The following RBFOX1 variants were observed in gnomAD, a reference collection of about 807,000 sequenced individuals.
RBFOX1 encodes RNA binding fox-1 homolog 1.
RBFOX1 carries 8 observed loss-of-function variants against 57.7 expected under a neutral mutation model. The observed-to-expected ratio is 0.14, with a 90% CI of 0.08 to 0.25. The LOEUF (loss-of-function observed/expected upper bound fraction) is 0.25, where lower values mean the gene tolerates loss of function less well. RBFOX1 is among the 10% of genes least tolerant of loss of function. The probability of loss-of-function intolerance (pLI) is 1.00; values close to 1 mark genes in which losing one functional copy is unlikely to be tolerated. For missense variants in RBFOX1, 611 were observed against 548.5 expected (o/e 1.11, Z -1.14); for synonymous variants, 326 against 222.4 (o/e 1.47, Z -4.15).
intron 4 of RBFOX1, among the ~76,000 whole-genome samples, chr16:7,222,354 T>C: frequency 6.6e-6 from 1 of 152,262 alleles, no homozygotes; most frequent in East Asian, 1.9e-4. Context: ...GTAGTTTATA[T>C]GTCAGTTCCA....
intron 3 of RBFOX1, among the ~76,000 whole-genome samples, chr16:6,768,730 T>A (rs916277160): frequency 6.7e-6 from 1 of 149,350 alleles, no homozygotes; most frequent in Non-Finnish European, 1.5e-5. Context: ...ATTATGATGA[T>A]ATTATTTTTC....
chr16:5,893,731 A>C (rs1158587531), intron 4 of RBFOX1, among the ~76,000 whole-genome samples: 1 of 151,964 alleles, frequency 6.6e-6, no homozygotes, highest in Non-Finnish European at 1.5e-5. Context: ...GCTTGAACCC[A>C]GGAAGCAGAG....
intron 2 of RBFOX1, among the ~76,000 whole-genome samples, chr16:6,449,717 T>C (rs2094552739): frequency 6.6e-6 from 1 of 152,164 alleles, no homozygotes; most frequent in South Asian, 2.1e-4. Flanking sequence ...AGTGTTTTTA[T>C]TTTCTTTGAA....
At chr16:6,621,424 A>T (rs1392631279) in intron 2 of RBFOX1, among the ~76,000 whole-genome samples, 2 of 152,214 alleles carry the variant, frequency 1.3e-5, no homozygotes, top group African/African-American at 4.8e-5. Context: ...AGATTGCGCC[A>T]CTGCGCTCCA....
intron 3 of RBFOX1, among the ~76,000 whole-genome samples, chr16:6,776,925 C>G (rs959714326): frequency 6.6e-6 from 1 of 152,112 alleles, no homozygotes; most frequent in African/African-American, 2.4e-5. Context: ...GAAATGTACA[C>G]CTGGCTTTGT....
chr16:6,672,275 C>T (rs76859726), intron 3 of RBFOX1, among the ~76,000 whole-genome samples: 6 of 151,900 alleles, frequency 3.9e-5, no homozygotes, highest in Non-Finnish European at 8.8e-5. Context: ...GAGAAATATA[C>T]ATCCAATATA....
intron 4 of RBFOX1, among the ~76,000 whole-genome samples, chr16:5,900,338 G>A (rs1188903331): frequency 1.3e-5 from 2 of 152,208 alleles, no homozygotes; most frequent in Admixed American, 6.5e-5. Context: ...AATAAAAATA[G>A]TGGAGGAGAG....
At chr16:6,394,479 A>AC (rs1387086499) in intron 2 of RBFOX1, among the ~76,000 whole-genome samples, 1 of 149,256 alleles carries the variant, frequency 6.7e-6, no homozygotes, top group East Asian at 2.0e-4. Context: ...CCTTAAATTT[A>AC]CCCCCCAGAA....
At chr16:7,104,951 G>A (rs1403517064) in intron 4 of RBFOX1, among the ~76,000 whole-genome samples, 1 of 149,146 alleles carries the variant, frequency 6.7e-6, no homozygotes, top group Non-Finnish European at 1.5e-5. Flanking sequence ...GTGTGTGTGT[G>A]CACGTGCTTC....
At chr16:6,111,862 A>C (rs566980655) in intron 1 of RBFOX1, among the ~76,000 whole-genome samples, 5 of 152,346 alleles carry the variant, frequency 3.3e-5, no homozygotes, top group African/African-American at 9.6e-5. Flanking sequence ...AAGTGATTTG[A>C]CAAAAAGGGG....
chr16:5,792,715 T>C (rs990353458), intron 3 of RBFOX1, among the ~76,000 whole-genome samples: 1 of 152,114 alleles, frequency 6.6e-6, no homozygotes, highest in Non-Finnish European at 1.5e-5. Context: ...TGGTGGCATG[T>C]GCCTGTCATC....
rs530025903 is a variant in RBFOX1, at chr16:5,377,220, C to G, written c.220-89996C>G. 5.3e-5 allele frequency among the ~76,000 whole-genome samples: 8 copies of G among 151,582 alleles called. No individual in the cohort carries two copies. The East Asian group carries it at 1.4e-3, about 26-fold the overall frequency. Reference sequence around the variant, plus strand: ...AGTCAGACATGACATCTGCCTCCCCCACGCACAGCAAGTATGTTCAGGAAT... The same window carrying G: ...AGTCAGACATGACATCTGCCTCCCCGACGCACAGCAAGTATGTTCAGGAAT... On this transcript the variant is annotated intron_variant, in intron 1 of 2. Transcript: ENST00000585867.
chr16:5,921,768 T>A (rs1288927164), intron 4 of RBFOX1, among the ~76,000 whole-genome samples: 1 of 151,894 alleles, frequency 6.6e-6, no homozygotes, highest in Non-Finnish European at 1.5e-5. Context: ...CTTCCAATTA[T>A]GGTGGAAGAT....
At chr16:6,806,000 A>C (rs1311999904) in intron 3 of RBFOX1, among the ~76,000 whole-genome samples, 1 of 152,198 alleles carries the variant, frequency 6.6e-6, no homozygotes, top group Non-Finnish European at 1.5e-5. Flanking sequence ...GAGAAGGGGA[A>C]AAACTGTGGG....
intron 1 of RBFOX1, among the ~76,000 whole-genome samples, chr16:6,281,783 C>G (rs898172164): frequency 6.6e-6 from 1 of 152,060 alleles, no homozygotes; most frequent in African/African-American, 2.4e-5. Context: ...TCACAGACTC[C>G]TCTTAGAAAG....
intron 4 of RBFOX1, among the ~76,000 whole-genome samples, chr16:7,226,256 G>T (rs1356202616): frequency 6.6e-6 from 1 of 152,196 alleles, no homozygotes; most frequent in Non-Finnish European, 1.5e-5. Context: ...AGGCAGGTTG[G>T]CTTCAAGGAT....
At chr16:5,899,821 C>T (rs562180937) in intron 4 of RBFOX1, among the ~76,000 whole-genome samples, 14 of 152,302 alleles carry the variant, frequency 9.2e-5, no homozygotes, top group African/African-American at 2.4e-4. Context: ...CACCTGCAAT[C>T]GCAGCACTTT....
chr16:5,731,758 G>A (rs187982391), intron 3 of RBFOX1, among the ~76,000 whole-genome samples: 2 of 152,306 alleles, frequency 1.3e-5, no homozygotes, highest in East Asian at 1.9e-4. Flanking sequence ...CGGTTGAACT[G>A]TTGAGGTCAT....
intron 1 of RBFOX1, among the ~76,000 whole-genome samples, chr16:5,334,312 C>T (rs1265056843): frequency 1.3e-5 from 2 of 152,052 alleles, no homozygotes; most frequent in East Asian, 1.9e-4. Flanking sequence ...ATGGTCATGC[C>T]GATGTTAGCC....
Sources: gnomAD v4.1 joint callset for allele counts (sites outside exome capture counted in the v4.1 genomes callset) on GRCh38, gnomAD v4.1.1 for gene constraint, MANE v1.5 for transcripts, NCBI Gene and HGNC (gene_info 2026-07-23, HGNC 2026-07-21) for gene names.